Variants in DAB1 observed in about 807,000 individuals in gnomAD.
DAB1 encodes disabled homolog 1.
A neutral mutation model predicts 64.6 loss-of-function variants in DAB1; 15 were observed. The observed-to-expected ratio is 0.23, with a 90% confidence interval of 0.16 to 0.36. The LOEUF (loss-of-function observed/expected upper bound fraction) is 0.36, where lower values mean the gene tolerates loss of function less well. Among genes scored for constraint, DAB1 ranks in the 10% least tolerant of loss-of-function variants. DAB1 has a pLI of 1.00. For missense variants in DAB1, 596 were observed against 706.7 expected (o/e 0.84, Z 1.78); for synonymous variants, 235 against 251.9 (o/e 0.93, Z 0.64).
chr1:57,984,179 T>TAAAA (rs769375614), intron 5 of DAB1, among the ~76,000 whole-genome samples: 6,533 of 34,144 alleles, frequency 0.19, 1,822 homozygotes, highest in East Asian at 0.34. Flanking sequence ...AGGACTAGCT[T>TAAAA]AAAAAAAAGA....
intron 4 of DAB1, among the ~76,000 whole-genome samples, chr1:58,301,232 AG>A (rs771708062): frequency 7.5e-5 from 8 of 106,938 alleles, no homozygotes; most frequent in Non-Finnish European, 1.3e-4. Flanking sequence ...GTGGGGGTGG[AG>A]AGGGGGGGGT....
At chr1:58,090,268 C>A (rs1279335904) in intron 5 of DAB1, among the ~76,000 whole-genome samples, 1 of 152,068 alleles carries the variant, frequency 6.6e-6, no homozygotes, top group Non-Finnish European at 1.5e-5. Flanking sequence ...ATTAAGACAG[C>A]ACGGTTTCAT....
chr1:58,206,921 A>G lies in DAB1; in HGVS notation n.310-56333T>C, dbSNP rs574194301. Among the ~76,000 whole-genome samples the G allele has an allele frequency of 5.3e-5, 8 of 152,318 alleles. No homozygotes were observed. In the South Asian group the frequency reaches 1.7e-3, roughly 32 times the overall value. ...CTTTAATTGGCCAACTATATGCAAC[A>G]GAAGTGATGATGAGGCTGTTTTTAG... On this transcript the variant is annotated intron_variant and non_coding_transcript_variant, in intron 4 of 20. Coordinates refer to the DAB1 transcript ENST00000485760.
intron 3 of DAB1, among the ~76,000 whole-genome samples, chr1:58,393,515 G>A (rs938009421): frequency 1.3e-5 from 2 of 152,186 alleles, no homozygotes; most frequent in Non-Finnish European, 2.9e-5. Flanking sequence ...GGCTCAGAGA[G>A]ATAATTAACG....
chr1:57,307,984 T>A (rs1229868487), intron 1 of DAB1, among the ~76,000 whole-genome samples: 1 of 152,186 alleles, frequency 6.6e-6, no homozygotes, highest in Non-Finnish European at 1.5e-5. Flanking sequence ...AGCCACCTGA[T>A]GAGAGCTGTG....
chr1:58,204,055 T>C (rs1369142308), intron 4 of DAB1, among the ~76,000 whole-genome samples: 2 of 152,190 alleles, frequency 1.3e-5, no homozygotes, highest in Non-Finnish European at 2.9e-5. Context: ...CTGTAATAAT[T>C]ACCCCACTGC....
intron 7 of DAB1, among the ~76,000 whole-genome samples, chr1:57,585,248 GAAAAAAAAAAAA>G (rs61528761): frequency 2.3e-5 from 1 of 44,266 alleles, no homozygotes; most frequent in Non-Finnish European, 3.7e-5. Context: ...GACTCTTTCT[GAAAAAAAAAAAA>G]AAAAAAAAAA....
intron 5 of DAB1, among the ~76,000 whole-genome samples, chr1:57,997,946 T>A (rs1433324838): frequency 6.6e-6 from 1 of 151,718 alleles, no homozygotes; most frequent in Non-Finnish European, 1.5e-5. Flanking sequence ...CAAATCACTG[T>A]ATTAAATATG....
At chr1:58,474,930 G>T (rs945643536) in intron 3 of DAB1, among the ~76,000 whole-genome samples, 1 of 152,166 alleles carries the variant, frequency 6.6e-6, no homozygotes, top group Non-Finnish European at 1.5e-5. Context: ...TCACGGGGTT[G>T]CTGTGAAGAT....
intron 4 of DAB1, among the ~76,000 whole-genome samples, chr1:58,253,359 A>C (rs1314038808): frequency 6.6e-6 from 1 of 152,238 alleles, no homozygotes; most frequent in East Asian, 1.9e-4. Context: ...TGTTGTTAAC[A>C]AGCCTGATTA....
Position 58,311,834 on chromosome 1 carries a change from G to A in DAB1, n.309+31518C>T, listed in dbSNP as rs140079774. On this transcript the variant is annotated intron_variant and non_coding_transcript_variant, in intron 4 of 20. Coordinates refer to the DAB1 transcript ENST00000485760. ...TTGACATCTGCTTCCTGCAGGGCCTGAACTGATAAATACATATTATATCTT... is the reference window on the plus strand; with the variant it reads ...TTGACATCTGCTTCCTGCAGGGCCTAAACTGATAAATACATATTATATCTT... Among the ~76,000 whole-genome samples the A allele has an allele frequency of 5.0e-3, 753 of 151,384 alleles. 24 individuals carry two copies. Among genetic ancestry groups the A allele is most frequent in the East Asian group, 6.6e-3 (34 of 5,184 alleles).
chr1:58,304,551 T>G (rs2100466474), intron 4 of DAB1, among the ~76,000 whole-genome samples: 2 of 152,330 alleles, frequency 1.3e-5, no homozygotes, highest in Non-Finnish European at 2.9e-5. Flanking sequence ...GCTGAACACT[T>G]AGATCCAAAT....
chr1:57,620,002 C>T (rs890299244), intron 7 of DAB1, among the ~76,000 whole-genome samples: 1 of 152,164 alleles, frequency 6.6e-6, no homozygotes, highest in African/African-American at 2.4e-5. Flanking sequence ...CGACTGGAGA[C>T]ATTTGACACA....
chr1:58,038,168 C>A (rs1647075931), intron 5 of DAB1, among the ~76,000 whole-genome samples: 1 of 152,070 alleles, frequency 6.6e-6, no homozygotes, highest in South Asian at 2.1e-4. Context: ...AATGAGGAGA[C>A]CCATGAAAAT....
intron 9 of DAB1, among the ~76,000 whole-genome samples, chr1:57,048,191 C>G (rs1004732977): frequency 1.3e-5 from 2 of 152,160 alleles, no homozygotes; most frequent in African/African-American, 4.8e-5. Flanking sequence ...AAATTTCAAG[C>G]CCAAATAGTC....
chr1:58,041,315 G>C (rs1012692990), intron 5 of DAB1, among the ~76,000 whole-genome samples: 1 of 152,140 alleles, frequency 6.6e-6, no homozygotes, highest in African/African-American at 2.4e-5. Context: ...GATTATTGAC[G>C]CTGGAGCCAC....
chr1:57,171,229 G>C (rs1661726858), intron 2 of DAB1, among the ~76,000 whole-genome samples: 1 of 152,122 alleles, frequency 6.6e-6, no homozygotes, highest in African/African-American at 2.4e-5. Context: ...CCAAATTCAA[G>C]AAGATGCCAG....
chr1:58,140,278 T>C (rs532240728), intron 5 of DAB1, among the ~76,000 whole-genome samples: 15 of 152,184 alleles, frequency 9.9e-5, no homozygotes, highest in Non-Finnish European at 7.3e-5. Context: ...CCATCACAAC[T>C]CTCTCCTTGG....
chr1:57,673,001 C>T (rs1370361347), intron 6 of DAB1, among the ~76,000 whole-genome samples: 2 of 152,118 alleles, frequency 1.3e-5, no homozygotes, highest in Admixed American at 6.6e-5. Flanking sequence ...GTGTGTGTGT[C>T]ATAGTTAATT....
Sources: gnomAD v4.1 joint callset for allele counts (sites outside exome capture counted in the v4.1 genomes callset) on GRCh38, gnomAD v4.1.1 for gene constraint, MANE v1.5 for transcripts, NCBI Gene and HGNC (gene_info 2026-07-23, HGNC 2026-07-21) for gene names.